Variants in GRM8 observed in about 807,000 individuals in gnomAD.
The protein encoded by GRM8 is metabotropic glutamate receptor 8.
GRM8 carries 47 observed loss-of-function variants against 87.2 expected under a neutral mutation model. That is an observed-to-expected ratio of 0.54 (90% CI 0.43 to 0.69). The LOEUF is 0.69. Among genes scored for constraint, GRM8 ranks in the 30% least tolerant of loss-of-function variants. The probability of loss-of-function intolerance (pLI) is 0.00; values close to 1 mark genes in which losing one functional copy is unlikely to be tolerated. For synonymous variants in GRM8, 396 were observed against 404.5 expected (o/e 0.98, Z 0.25); for missense variants, 1,019 against 1,139.2 (o/e 0.89, Z 1.52).
chr7:127,052,024 A>G (rs17868694), intron 3 of GRM8, among the ~76,000 whole-genome samples: 12,166 of 152,260 alleles, frequency 0.08, 531 homozygotes, highest in South Asian at 0.13. Context: ...GGAGAAAGGG[A>G]ATAGTTACAC....
chr7:127,182,669 G>A (rs1344233713), intron 2 of GRM8, among the ~76,000 whole-genome samples: 1 of 105,354 alleles, frequency 9.5e-6, no homozygotes, highest in Non-Finnish European at 2.0e-5. Context: ...GTGTGTGTGT[G>A]TGTGTGTGTG....
At chr7:126,522,815 G>A (rs139208375) in intron 9 of GRM8, among the ~76,000 whole-genome samples, 1 of 152,002 alleles carries the variant, frequency 6.6e-6, no homozygotes, top group Admixed American at 6.6e-5. Context: ...GTCCCAAGAC[G>A]TCATACTGTG....
At chr7:127,015,184 GAAGAAGAAGAAGAAGAAGAAGA>G (rs1815469201) in intron 3 of GRM8, among the ~76,000 whole-genome samples, 1,112 of 45,146 alleles carry the variant, frequency 0.025, 66 homozygotes, top group African/African-American at 0.037. Flanking sequence ...AGGAGAAGAA[GAAGAAGAAGAAGAAGAAGAAGA>G]AGAAGAAGAA....
chr7:126,889,998 A>G (rs1302262823), intron 6 of GRM8, among the ~76,000 whole-genome samples: 3 of 152,124 alleles, frequency 2.0e-5, no homozygotes, highest in Non-Finnish European at 4.4e-5. Context: ...CTGCTGTCCA[A>G]TATGATAGTC....
chr7:126,490,085 G>A (rs958291514), intron 9 of GRM8, among the ~76,000 whole-genome samples: 16 of 152,146 alleles, frequency 1.1e-4, no homozygotes, highest in African/African-American at 3.9e-4. Context: ...GAGAGCAGAT[G>A]GTGAGACTTC....
chr7:126,585,227 A>C (rs1795987277), intron 8 of GRM8, among the ~76,000 whole-genome samples: 1 of 152,222 alleles, frequency 6.6e-6, no homozygotes, highest in South Asian at 2.1e-4. Flanking sequence ...AATTTTGGTG[A>C]ATAACTGTAG....
intron 9 of GRM8, among the ~76,000 whole-genome samples, chr7:126,523,334 T>A (rs768083134): frequency 1.1e-4 from 16 of 152,148 alleles, no homozygotes; most frequent in Middle Eastern, 3.4e-3. Flanking sequence ...AATTAATGAG[T>A]TTGAATGTTT....
At chr7:127,089,916 T>C (rs937794018) in intron 3 of GRM8, among the ~76,000 whole-genome samples, 1 of 152,200 alleles carries the variant, frequency 6.6e-6, no homozygotes, top group South Asian at 2.1e-4. Context: ...GGGAGCCACA[T>C]AGTCATTCTG....
intron 8 of GRM8, among the ~76,000 whole-genome samples, chr7:126,592,501 A>T (rs1028526370): frequency 6.6e-6 from 1 of 152,086 alleles, no homozygotes; most frequent in African/African-American, 2.4e-5. Context: ...AATGTGATAC[A>T]TCACATTAAC....
chr7:126,667,478 G>A (rs887240869), intron 7 of GRM8, among the ~76,000 whole-genome samples: 1 of 152,076 alleles, frequency 6.6e-6, no homozygotes, highest in African/African-American at 2.4e-5. Flanking sequence ...AATTATTCAG[G>A]GAGGATCAAA....
intron 3 of GRM8, among the ~76,000 whole-genome samples, chr7:126,968,936 C>G (rs994381721): frequency 1.3e-5 from 2 of 152,036 alleles, no homozygotes; most frequent in Admixed American, 1.3e-4. Flanking sequence ...TATTTCAGAC[C>G]ACTGCAATTA....
At chr7:127,071,736 T>A (rs1399304359) in intron 3 of GRM8, among the ~76,000 whole-genome samples, 1 of 152,160 alleles carries the variant, frequency 6.6e-6, no homozygotes, top group Non-Finnish European at 1.5e-5. Context: ...ATTAATAGAT[T>A]AAAAATATGG....
At chr7:126,450,517 A>G (rs17679839) in intron 9 of GRM8, among the ~76,000 whole-genome samples, 69,166 of 151,682 alleles carry the variant, frequency 0.46, 15,768 homozygotes, top group Middle Eastern at 0.61. Context: ...TTCTGTTTCT[A>G]CTTCCTCATC....
chr7:126,972,305 T>C (rs372460500), intron 3 of GRM8, among the ~76,000 whole-genome samples: 1 of 152,208 alleles, frequency 6.6e-6, no homozygotes, highest in South Asian at 2.1e-4. Context: ...TTTTGCATCA[T>C]GCAGAGCAAA....
At chr7:126,805,850 C>T (rs1792624475) in intron 6 of GRM8, among the ~76,000 whole-genome samples, 2 of 152,276 alleles carry the variant, frequency 1.3e-5, no homozygotes, top group South Asian at 2.1e-4. Context: ...GGCATGAGTC[C>T]TATAAGCCTA....
chr7:126,870,850 G>T (rs1799034473), intron 6 of GRM8, among the ~76,000 whole-genome samples: 1 of 152,156 alleles, frequency 6.6e-6, no homozygotes, highest in African/African-American at 2.4e-5. Context: ...CTTGCTTGAT[G>T]TAGGGTTGCC....
At chr7:127,019,684 G>C (rs546635318) in intron 3 of GRM8, among the ~76,000 whole-genome samples, 4 of 152,046 alleles carry the variant, frequency 2.6e-5, no homozygotes, top group African/African-American at 9.6e-5. Flanking sequence ...GTCCATTGCC[G>C]CACAAATTTC....
chr7:127,193,710 G>C (rs1345206915), intron 2 of GRM8, among the ~76,000 whole-genome samples: 1 of 152,074 alleles, frequency 6.6e-6, no homozygotes, highest in African/African-American at 2.4e-5. Context: ...ACAGAGTCTT[G>C]CAAGTGACAG....
intron 7 of GRM8, among the ~76,000 whole-genome samples, chr7:126,716,938 A>G (rs1413353770): frequency 6.6e-6 from 1 of 152,218 alleles, no homozygotes; most frequent in African/African-American, 2.4e-5. Flanking sequence ...CAAGAGGAGC[A>G]GAAAAAAGAT....
Sources: gnomAD v4.1 joint callset for allele counts (sites outside exome capture counted in the v4.1 genomes callset) on GRCh38, gnomAD v4.1.1 for gene constraint, MANE v1.5 for transcripts, NCBI Gene and HGNC (gene_info 2026-07-23, HGNC 2026-07-21) for gene names.